The following NPAS3 variants were observed in gnomAD, a reference collection of about 807,000 sequenced individuals.
NPAS3 encodes neuronal PAS domain-containing protein 3.
Under a neutral mutation model 73.1 loss-of-function variants are expected in NPAS3, and 14 were observed. The ratio of observed to expected loss-of-function variants is 0.19; its 90% CI spans 0.13 to 0.30. The LOEUF (loss-of-function observed/expected upper bound fraction) is 0.30. Ranked by LOEUF, NPAS3 falls within the 10% of genes least tolerant of loss-of-function variation. The pLI, the probability that NPAS3 is intolerant of heterozygous loss-of-function variation, is 1.00. For synonymous variants in NPAS3, 620 were observed against 541.5 expected (o/e 1.14, Z -2.01); for missense variants, 1,096 against 1,250.0 (o/e 0.88, Z 1.86).
chr14:33,011,691 T>C (rs1368765369), intron 1 of NPAS3, among the ~76,000 whole-genome samples: 1 of 152,216 alleles, frequency 6.6e-6, no homozygotes, highest in Non-Finnish European at 1.5e-5. Flanking sequence ...CCATTGTCTT[T>C]AGTCTTTATG....
chr14:32,939,343 GC>G lies in NPAS3; in HGVS notation c.28del (p.Gln10ArgfsTer9). On this transcript the variant is annotated frameshift_variant, in exon 1 of 12. Transcript: ENST00000356141. LOFTEE classifies it high-confidence loss of function. ...TGGCGCCCACCAAGCCCAGCTTTCA[GC>G]AGGATCCTTCCAGGCGAGAACGGTA... 1.4e-6 allele frequency: 1 copy of G among 719,844 alleles called. No individual in the cohort carries two copies. The highest frequency in any genetic ancestry group is 2.5e-6 in the Non-Finnish European group (1 of 407,938). 44.6% of individuals were successfully genotyped at this position (719,844 alleles called of 1,614,324 possible). A position where few individuals can be genotyped will look rare whatever the true frequency, so the allele number is the denominator to read the frequency against.
intron 4 of NPAS3, among the ~76,000 whole-genome samples, chr14:33,428,398 A>G (rs2048642413): frequency 6.6e-6 from 1 of 152,170 alleles, no homozygotes; most frequent in African/African-American, 2.4e-5. Context: ...TGTTATTATC[A>G]GCTGTAATTA....
intron 3 of NPAS3, among the ~76,000 whole-genome samples, chr14:33,332,678 C>T (rs1194732175): frequency 2.0e-5 from 3 of 152,144 alleles, no homozygotes; most frequent in Non-Finnish European, 2.9e-5. Flanking sequence ...CAAACGCTTC[C>T]GATTTTTCTA....
chr14:33,270,131 C>G (rs2041003395), intron 3 of NPAS3, among the ~76,000 whole-genome samples: 1 of 152,104 alleles, frequency 6.6e-6, no homozygotes, highest in African/African-American at 2.4e-5. Context: ...TTTTGTACCC[C>G]AGATAAGTCA....
At chr14:33,646,349 T>G (rs1411342041) in intron 5 of NPAS3, among the ~76,000 whole-genome samples, 1 of 152,140 alleles carries the variant, frequency 6.6e-6, no homozygotes, top group Non-Finnish European at 1.5e-5. Flanking sequence ...TTTTCTTACA[T>G]TTTCTTAAAT....
At chr14:33,047,501 C>T (rs2040551224) in intron 1 of NPAS3, among the ~76,000 whole-genome samples, 2 of 152,096 alleles carry the variant, frequency 1.3e-5, no homozygotes, top group Admixed American at 1.3e-4. Context: ...GTACCGGTTT[C>T]TAATGAGCCT....
chr14:33,468,096 G>A (rs923591530), intron 4 of NPAS3, among the ~76,000 whole-genome samples: 2 of 152,158 alleles, frequency 1.3e-5, no homozygotes, highest in Non-Finnish European at 2.9e-5. Flanking sequence ...GCATGCAAAT[G>A]CAATCGTTTC....
chr14:33,221,570 T>C (rs1358722628), intron 3 of NPAS3, among the ~76,000 whole-genome samples: 2 of 152,146 alleles, frequency 1.3e-5, no homozygotes, highest in African/African-American at 2.4e-5. Context: ...GAGGTTACAA[T>C]GAGCTATGAT....
chr14:32,998,013 A>G (rs1338548470), intron 1 of NPAS3, among the ~76,000 whole-genome samples: 1 of 152,220 alleles, frequency 6.6e-6, no homozygotes, highest in Non-Finnish European at 1.5e-5. Flanking sequence ...GTACCCAGAA[A>G]TTCCACTTCT....
intron 7 of NPAS3, among the ~76,000 whole-genome samples, chr14:33,755,926 C>A (rs1246742461): frequency 6.6e-6 from 1 of 152,070 alleles, no homozygotes; most frequent in Non-Finnish European, 1.5e-5. Flanking sequence ...AGGTCTTTAA[C>A]AACCAGCTCT....
chr14:33,698,041 T>G (rs1414196693), intron 6 of NPAS3, among the ~76,000 whole-genome samples: 1 of 152,244 alleles, frequency 6.6e-6, no homozygotes, highest in African/African-American at 2.4e-5. Flanking sequence ...TTGCAGCTCA[T>G]GCATCCGATG....
At chr14:33,656,941 C>T (rs2059160737) in intron 5 of NPAS3, among the ~76,000 whole-genome samples, 1 of 152,084 alleles carries the variant, frequency 6.6e-6, no homozygotes, top group Non-Finnish European at 1.5e-5. Flanking sequence ...TCATTGCAGC[C>T]TTATTCACAG....
At chr14:33,591,084 G>A (rs1052582595) in intron 5 of NPAS3, among the ~76,000 whole-genome samples, 1 of 152,122 alleles carries the variant, frequency 6.6e-6, no homozygotes, top group African/African-American at 2.4e-5. Context: ...AGAACATGAT[G>A]ACTTCATTTT....
Position 33,459,813 on chromosome 14 carries a change from T to A in NPAS3, c.468+92545T>A, listed in dbSNP as rs144028127. ...CTGAGTCAGAATCCTTATTTTTTCA[T>A]TGGGTGCCCAAGAACCCTCTTTCCT... On this transcript the variant is annotated intron_variant, in intron 4 of 11. Coordinates refer to ENST00000356141, the Ensembl canonical transcript of NPAS3. 1.0e-2 allele frequency among the ~76,000 whole-genome samples: 1,517 copies of A among 152,310 alleles called. 45 individuals are homozygous for A. The highest frequency in any genetic ancestry group is 0.063 in the Admixed American group (958 of 15,294).
chr14:33,701,565 T>C (rs1224188529), intron 6 of NPAS3, among the ~76,000 whole-genome samples: 1 of 152,234 alleles, frequency 6.6e-6, no homozygotes, highest in East Asian at 1.9e-4. Context: ...TTTTCATTAA[T>C]GTCACTAATT....
rs1394304954 is a variant in NPAS3 at position 33,557,231 on chromosome 14, G to A, written c.469-2890G>A. On this transcript the variant is annotated intron_variant, in intron 4 of 11. Coordinates refer to ENST00000356141, the Ensembl canonical transcript of NPAS3. ...ATCAGAAAAGACTGCAGAGGGTTTGGCAGTTTTGTCAAAGGTAAGGAGCCC... is the reference window on the plus strand; with the variant it reads ...ATCAGAAAAGACTGCAGAGGGTTTGACAGTTTTGTCAAAGGTAAGGAGCCC... Among the ~76,000 whole-genome samples, 8 of 152,286 alleles carry A rather than the reference G, an allele frequency of 5.3e-5. No individual in the cohort carries two copies. The East Asian group carries it at 1.5e-3, about 29-fold the overall frequency.
chr14:33,578,071 T>G (rs1206843010), intron 5 of NPAS3, among the ~76,000 whole-genome samples: 3 of 152,250 alleles, frequency 2.0e-5, no homozygotes, highest in Non-Finnish European at 4.4e-5. Context: ...TAGCATGTTT[T>G]TTCTAGTTCT....
intron 3 of NPAS3, among the ~76,000 whole-genome samples, chr14:33,231,342 T>G (rs760269571): frequency 5.0e-4 from 76 of 152,342 alleles, no homozygotes; most frequent in Non-Finnish European, 1.0e-3. Context: ...TTTTAACGTT[T>G]AATTTTTCTT....
intron 4 of NPAS3, among the ~76,000 whole-genome samples, chr14:33,385,177 T>C (rs563058753): frequency 6.6e-6 from 1 of 152,138 alleles, no homozygotes; most frequent in Admixed American, 6.5e-5. Flanking sequence ...GTTCATCCCA[T>C]GGCTTATTTG....
Sources: gnomAD v4.1 joint callset for allele counts (sites outside exome capture counted in the v4.1 genomes callset) on GRCh38, gnomAD v4.1.1 for gene constraint, MANE v1.5 for transcripts, NCBI Gene and HGNC (gene_info 2026-07-23, HGNC 2026-07-21) for gene names.